Variants in MORC3 observed in about 807,000 individuals in gnomAD.
MORC3 encodes MORC family CW-type zinc finger protein 3.
MORC3 carries 31 observed loss-of-function variants against 109.1 expected under a neutral mutation model. The observed-to-expected ratio is 0.28, with a 90% CI of 0.21 to 0.38. The LOEUF is 0.38. Ranked by LOEUF, MORC3 falls within the 10% of genes least tolerant of loss-of-function variation. MORC3 has a pLI of 1.00. For synonymous variants in MORC3, 395 were observed against 380.7 expected (o/e 1.04, Z -0.44); for missense variants, 867 against 1,135.8 (o/e 0.76, Z 3.40).
chr21:36,371,243 GTCTCTTCCTTGGGAATAT>G (rs1263269051), intron 15 of MORC3, among the ~76,000 whole-genome samples: 5 of 152,116 alleles, frequency 3.3e-5, no homozygotes, highest in Non-Finnish European at 7.4e-5. Context: ...GTGCTGTGCT[GTCTCTTCCTTGGGAATAT>G]TTGCTACTCA....
At chr21:36,364,403 A>G (rs2085754799) in intron 14 of MORC3, 144 bp downstream of exon 14, 3 of 943,940 alleles carry the variant, frequency 3.2e-6, no homozygotes, top group Non-Finnish European at 4.7e-6. Context: ...CTTCAGGACA[A>G]ATTGTCTTGC....
intron 8 of MORC3, among the ~76,000 whole-genome samples, chr21:36,347,151 T>C (rs2085518180): frequency 6.6e-6 from 1 of 152,072 alleles, no homozygotes; most frequent in South Asian, 2.1e-4. Context: ...ATTTTTAAGA[T>C]TTTGGTGATA....
intron 14 of MORC3, 96 bp downstream of exon 14, chr21:36,364,355 G>A: frequency 1.5e-6 from 2 of 1,303,796 alleles, no homozygotes; most frequent in Middle Eastern, 1.8e-4. Context: ...ATCATTGTAG[G>A]TTCCATTGTG....
At chr21:36,322,514 C>T (rs1288487717) in intron 1 of MORC3, among the ~76,000 whole-genome samples, 1 of 151,950 alleles carries the variant, frequency 6.6e-6, no homozygotes, top group African/African-American at 2.4e-5. Context: ...TGGGTTTACA[C>T]GCGTGGGCCA....
intron 1 of MORC3, among the ~76,000 whole-genome samples, chr21:36,332,405 C>G (rs1367707619): frequency 1.3e-5 from 2 of 152,096 alleles, no homozygotes; most frequent in Non-Finnish European, 2.9e-5. Flanking sequence ...CACTGCGTTA[C>G]AGCCTAGGTG....
chr21:36,357,091 A>G (rs542829410), intron 10 of MORC3, among the ~76,000 whole-genome samples: 103 of 152,352 alleles, frequency 6.8e-4, no homozygotes, highest in African/African-American at 2.4e-3. Flanking sequence ...GGCATTGAAC[A>G]TATTACTTGG....
At chr21:36,357,520 G>C (rs770132647) in intron 10 of MORC3, among the ~76,000 whole-genome samples, 1 of 151,868 alleles carries the variant, frequency 6.6e-6, no homozygotes, top group Non-Finnish European at 1.5e-5. Flanking sequence ...AAAGTGCTGG[G>C]ATTATAGGCA....
rs2085402900 is a variant in MORC3, at chr21:36,338,803, G to A, written c.490G>A (p.Ala164Thr). 6.2e-7 allele frequency: 1 copy of A among 1,613,712 alleles called. No homozygotes were observed. Among genetic ancestry groups the A allele is most frequent in the African/African-American group, 1.3e-5 (1 of 75,034 alleles). The change falls in exon 5 of 17, where the codon GCC becomes ACC. Residue 164 changes from alanine (A) to threonine (T), a missense_variant. This residue lies in a region of MORC3 where 134 missense variants were observed against 166.6 expected (regional missense o/e 0.80). Coordinates refer to ENST00000400485, the MANE Select transcript of MORC3 (RefSeq NM_015358.3). ...GATGATTAATTTAGCAGAATCAAAA[G>A]CCAGCCTTGCTGCAATTCTGGAACA... is the stretch of plus-strand genomic sequence containing the variant. ...RQMINLAESK[A>T]SLAAILEHSL...
Position 36,361,836 on chromosome 21 carries a change from G to T in MORC3, c.1407-347G>T, listed in dbSNP as rs539314109. 4.9e-5 allele frequency: 10 copies of T among 202,840 alleles called. No individual in the cohort carries two copies. The South Asian group carries it at 6.2e-4, about 13-fold the overall frequency. 12.6% of individuals were successfully genotyped at this position (202,840 alleles called of 1,614,324 possible). A position where few individuals can be genotyped will look rare whatever the true frequency, so the allele number is the denominator to read the frequency against. The stretch of plus-strand genomic sequence containing the variant: ...CGGGAGGCAGAGGTTGCAGTGAGCC[G>T]AGATTACATCACTGCACTCCATCCT... On this transcript the variant is annotated intron_variant, in intron 12 of 16. Transcript: ENST00000400485.
intron 1 of MORC3, among the ~76,000 whole-genome samples, chr21:36,329,929 C>A (rs2085295975): frequency 6.6e-6 from 1 of 151,766 alleles, no homozygotes; most frequent in South Asian, 2.1e-4. Context: ...ATGACCTGAT[C>A]TCAGCTCACT....
At chr21:36,335,975 G>A (rs1007164674) in intron 2 of MORC3, among the ~76,000 whole-genome samples, 4 of 151,782 alleles carry the variant, frequency 2.6e-5, no homozygotes, top group African/African-American at 9.7e-5. Flanking sequence ...GCCCAGGCTC[G>A]AGTGCAATGG....
intron 13 of MORC3, 85 bp downstream of exon 13, chr21:36,362,313 C>G: frequency 7.0e-7 from 1 of 1,421,802 alleles, no homozygotes; most frequent in Non-Finnish European, 9.5e-7. Context: ...GAGGCCGAGG[C>G]AGGTGGATCA....
At position 36,336,952 on chromosome 21, in the gene MORC3, C is replaced by T. The variant is rs764867040; in HGVS notation, c.191C>T (p.Thr64Ile). The T allele has an allele frequency of 6.8e-6, 11 of 1,612,820 alleles. No individual in the cohort carries two copies. The highest frequency in any genetic ancestry group is 8.5e-6 in the Non-Finnish European group (10 of 1,179,418). Residue 64 changes from threonine to isoleucine, a missense_variant, in exon 3 of 17, where the codon ACA becomes ATA. Thr to Ile is a moderately conservative substitution (Grantham distance 89). Around this residue, in one of 7 missense-constraint regions of MORC3, gnomAD observed 53 missense variants for 130.3 expected, o/e 0.41. Transcript: ENST00000400485. ...KTVINDHICL[T>I]FTDNGNGMTS... Reference sequence around the variant, plus strand: ...GTGATAAATGACCATATATGCTTGACATTCACCGACAATGGGAATGGTATG... The same window carrying T: ...GTGATAAATGACCATATATGCTTGATATTCACCGACAATGGGAATGGTATG...
chr21:36,321,125 T>A (rs1053148119), intron 1 of MORC3, among the ~76,000 whole-genome samples: 37 of 152,350 alleles, frequency 2.4e-4, no homozygotes, highest in African/African-American at 8.9e-4. Context: ...CTAGTGCCAC[T>A]AATTTTAACA....
At chr21:36,329,396 C>G (rs755973680) in intron 1 of MORC3, among the ~76,000 whole-genome samples, 5 of 151,992 alleles carry the variant, frequency 3.3e-5, no homozygotes, top group Admixed American at 1.3e-4. Flanking sequence ...GTTGGACAGG[C>G]TTGCTTTACA....
chr21:36,330,546 C>T (rs746696710), intron 1 of MORC3, among the ~76,000 whole-genome samples: 7 of 152,180 alleles, frequency 4.6e-5, no homozygotes, highest in Admixed American at 6.5e-5. Context: ...GGCTGCTCCC[C>T]GACCACCTCA....
Position 36,344,722 on chromosome 21 carries a change from A to G in MORC3, c.885+15A>G. On this transcript the variant is annotated intron_variant, in intron 7 of 16. Coordinates refer to ENST00000400485, the MANE Select transcript of MORC3 (RefSeq NM_015358.3). The stretch of plus-strand genomic sequence containing the variant: ...CAAAATTTTTAGTATCCTTTTTCTG[A>G]TTCCTTATAGAGATATGTTAGTCAG... 6.2e-7 allele frequency: 1 copy of G among 1,612,780 alleles called. No homozygotes were observed.
Position 36,356,721 on chromosome 21 carries a change from T to C in MORC3, c.1205T>C (p.Ile402Thr), listed in dbSNP as rs1601531737. 11 of 1,514,062 alleles carry C rather than the reference T, an allele frequency of 7.3e-6. No homozygotes were observed. Among genetic ancestry groups the C allele is most frequent in the East Asian group, 6.9e-5 (3 of 43,406 alleles). The allele number at this position is 1,514,062 out of a possible 1,614,324, so 93.8% of individuals were successfully genotyped here. ...CCTCTAAATTTGCCAGTTGAAGATA[T>C]ACAGTAAGTACATTTTTAAAACATA... ...EYPLNLPVED[I>T]QKRPDQTWVQ... The change falls in exon 10 of 17, where the codon ATA (isoleucine) becomes ACA (threonine). Residue 402 changes from isoleucine to threonine, a missense_variant. Ile to Thr is a moderately conservative substitution (Grantham distance 89). Around this residue, in one of 7 missense-constraint regions of MORC3, gnomAD observed 120 missense variants for 259.7 expected, o/e 0.46. Transcript: ENST00000400485.
chr21:36,370,633 A>ATTTTTTTTTTT (rs2085848041), intron 15 of MORC3, among the ~76,000 whole-genome samples: 1 of 46,480 alleles, frequency 2.2e-5, no homozygotes, highest in Non-Finnish European at 3.8e-5. Context: ...ATATATATAT[A>ATTTTTTTTTTT]TATATATTTT....
Sources: gnomAD v4.1 joint callset for allele counts (sites outside exome capture counted in the v4.1 genomes callset) on GRCh38, gnomAD v4.1.1 for gene constraint, gnomAD v4.1.1 regional missense constraint, MANE v1.5 for transcripts, NCBI Gene and HGNC (gene_info 2026-07-23, HGNC 2026-07-21) for gene names.